The following PPFIA2 variants were observed in gnomAD, a reference collection of about 807,000 sequenced individuals.
PPFIA2 encodes the protein PPFI scaffold protein A2, also known as liprin-alpha-2.
Under a neutral mutation model 175.5 loss-of-function variants are expected in PPFIA2, and 46 were observed. The observed-to-expected ratio is 0.26, with a 90% confidence interval of 0.21 to 0.34. The LOEUF (loss-of-function observed/expected upper bound fraction) is 0.34, where lower values mean the gene tolerates loss of function less well. Among genes scored for constraint, PPFIA2 ranks in the 10% least tolerant of loss-of-function variants. The pLI is 1.00. For synonymous variants in PPFIA2, 568 were observed against 511.4 expected, an observed-to-expected ratio of 1.11 and a Z score of -1.49; for missense variants, 1,179 against 1,506.1, an observed-to-expected ratio of 0.78 and a Z score of 3.60.
intron 4 of PPFIA2, among the ~76,000 whole-genome samples, chr12:81,601,134 T>C (rs569196032): frequency 6.6e-6 from 1 of 151,902 alleles, no homozygotes; most frequent in South Asian, 2.1e-4. Flanking sequence ...GAGATGAAAA[T>C]AGTATAGATT....
Position 81,259,113 on chromosome 12 carries a change from G to A in PPFIA2, c.*581C>T. 5.3e-6 allele frequency: 1 copy of A among 186,938 alleles called. No individual in the cohort carries two copies. The highest frequency in any genetic ancestry group is 1.1e-5 in the Non-Finnish European group (1 of 90,406). 11.6% of individuals were successfully genotyped at this position (186,938 alleles called of 1,614,324 possible). A position where few individuals can be genotyped will look rare whatever the true frequency, so the allele number is the denominator to read the frequency against. Reference sequence around the variant, plus strand: ...TCAGAGGCAGGTTGTTCAGCTTTAAGTATTGACAGACTTGAAGGAGAAACA... The same window carrying A: ...TCAGAGGCAGGTTGTTCAGCTTTAAATATTGACAGACTTGAAGGAGAAACA... On this transcript the variant is annotated 3_prime_UTR_variant, in exon 33 of 33. Transcript: ENST00000549396.
chr12:81,512,852 A>G (rs764001383), intron 4 of PPFIA2, among the ~76,000 whole-genome samples: 2 of 152,030 alleles, frequency 1.3e-5, no homozygotes, highest in African/African-American at 4.8e-5. Context: ...GCTTCATCCA[A>G]ATTGTAGCAA....
intron 4 of PPFIA2, among the ~76,000 whole-genome samples, chr12:81,620,614 T>A (rs2061949680): frequency 6.6e-6 from 1 of 152,216 alleles, no homozygotes; most frequent in Non-Finnish European, 1.5e-5. Context: ...ATGTAATATC[T>A]TGTGCTGTCC....
At chr12:81,638,224 C>T (rs897228852) in intron 4 of PPFIA2, among the ~76,000 whole-genome samples, 1 of 152,062 alleles carries the variant, frequency 6.6e-6, no homozygotes, top group Non-Finnish European at 1.5e-5. Flanking sequence ...ATTCTTATCA[C>T]CACCCTGTAT....
intron 4 of PPFIA2, among the ~76,000 whole-genome samples, chr12:81,502,402 T>C (rs572925240): frequency 2.2e-4 from 33 of 152,322 alleles, no homozygotes; most frequent in African/African-American, 7.5e-4. Flanking sequence ...CTGGGAACTT[T>C]TGAAAATATT....
intron 4 of PPFIA2, among the ~76,000 whole-genome samples, chr12:81,641,419 C>T (rs2064951484): frequency 6.6e-6 from 1 of 152,094 alleles, no homozygotes; most frequent in South Asian, 2.1e-4. Context: ...CTGCCCATTG[C>T]CAAGGTACGC....
chr12:81,604,623 C>G (rs906076671), intron 4 of PPFIA2, among the ~76,000 whole-genome samples: 1 of 151,492 alleles, frequency 6.6e-6, no homozygotes, highest in African/African-American at 2.4e-5. Context: ...CAATATCACA[C>G]CTCAAATAAA....
At chr12:81,493,785 T>TAG in intron 4 of PPFIA2, among the ~76,000 whole-genome samples, 1 of 136,878 alleles carries the variant, frequency 7.3e-6, no homozygotes, top group African/African-American at 2.9e-5. Context: ...TATATATATA[T>TAG]ATACACATTG....
chr12:81,739,197 G>T (rs2082026494), intron 3 of PPFIA2, among the ~76,000 whole-genome samples: 3 of 151,954 alleles, frequency 2.0e-5, no homozygotes, highest in Admixed American at 2.0e-4. Flanking sequence ...AATGCAAAAT[G>T]AAGTTACATT....
At position 81,445,627 on chromosome 12, in the gene PPFIA2, C is replaced by T; in HGVS notation, c.499G>A (p.Val167Ile). Residue 167 changes from valine to isoleucine, a missense_variant, in exon 6 of 33, where the codon GTA (valine) becomes ATA (isoleucine). Val to Ile is a conservative substitution (Grantham distance 29, BLOSUM62 3). Around this residue, in one of 10 missense-constraint regions of PPFIA2, gnomAD observed 49 missense variants for 108.9 expected, o/e 0.45. Coordinates refer to ENST00000549396, the MANE Select transcript of PPFIA2 (RefSeq NM_003625.5). The stretch of plus-strand genomic sequence containing the variant: ...TTGAGAACTTCAACTTCACTGGATA[C>T]TCCTGAGGGAGACTGGGCTTGCCGT... Reference protein sequence around the residue: ...VKRQAQSPSGVSSEVEVLKAL... With the variant: ...VKRQAQSPSGISSEVEVLKAL... 1.9e-6 allele frequency: 3 copies of T among 1,613,900 alleles called. No individual in the cohort carries two copies. Among genetic ancestry groups the T allele is most frequent in the Non-Finnish European group, 2.5e-6 (3 of 1,179,842 alleles).
Position 81,642,813 on chromosome 12 carries a change from C to T in PPFIA2, c.303+33978G>A, listed in dbSNP as rs568547615. Among the ~76,000 whole-genome samples the T allele has an allele frequency of 4.6e-4, 28 of 60,288 alleles. 8 individuals carry two copies. The South Asian group carries it at 7.2e-3, about 16-fold the overall frequency. The allele number at this position is 60,288 out of a possible 152,430, so 39.6% of individuals were successfully genotyped here. ...TACATGTATATGTATGTATGTATTA[C>T]ATACATGTATATGTATGTATGTATT... is the stretch of plus-strand genomic sequence containing the variant. On this transcript the variant is annotated intron_variant, in intron 4 of 32. Coordinates refer to ENST00000549396, the MANE Select transcript of PPFIA2 (RefSeq NM_003625.5).
At chr12:81,413,987 A>C (rs1445494674) in intron 7 of PPFIA2, among the ~76,000 whole-genome samples, 7 of 151,740 alleles carry the variant, frequency 4.6e-5, no homozygotes, top group Admixed American at 1.3e-4. Context: ...CATGCCCCAT[A>C]TGAAATAAAA....
At chr12:81,452,652 TC>T (rs1322033912) in intron 5 of PPFIA2, among the ~76,000 whole-genome samples, 1 of 152,238 alleles carries the variant, frequency 6.6e-6, no homozygotes, top group Non-Finnish European at 1.5e-5. Flanking sequence ...GAGAAGGTCT[TC>T]CTTTTCTGAA....
At chr12:81,472,342 A>G (rs2056869331) in intron 4 of PPFIA2, among the ~76,000 whole-genome samples, 1 of 152,206 alleles carries the variant, frequency 6.6e-6, no homozygotes, top group Non-Finnish European at 1.5e-5. Flanking sequence ...TTAATGGCTG[A>G]ATAAAATGGT....
At chr12:81,349,170 T>A (rs147229790) in intron 17 of PPFIA2, among the ~76,000 whole-genome samples, 34 of 152,344 alleles carry the variant, frequency 2.2e-4, no homozygotes, top group African/African-American at 7.2e-4. Context: ...CTTCACTAAC[T>A]ATTCTGCAAA....
intron 4 of PPFIA2, among the ~76,000 whole-genome samples, chr12:81,510,571 A>G (rs1364109914): frequency 6.6e-6 from 1 of 152,130 alleles, no homozygotes; most frequent in African/African-American, 2.4e-5. Flanking sequence ...AGGTTCTATG[A>G]TTGTACCAAT....
intron 2 of PPFIA2, among the ~76,000 whole-genome samples, chr12:81,756,385 A>G (rs2464757): frequency 0.81 from 122,937 of 152,042 alleles, 51,355 homozygotes; most frequent in Middle Eastern, 0.95. Flanking sequence ...GAATACCCCA[A>G]TATAATTTTC....
At chr12:81,453,333 C>T (rs1165797693) in intron 5 of PPFIA2, among the ~76,000 whole-genome samples, 1 of 152,042 alleles carries the variant, frequency 6.6e-6, no homozygotes, top group African/African-American at 2.4e-5. Context: ...ACAACTCCGA[C>T]AATAAAAATG....
At chr12:81,577,167 G>A (rs571059975) in intron 4 of PPFIA2, among the ~76,000 whole-genome samples, 75 of 151,852 alleles carry the variant, frequency 4.9e-4, no homozygotes, top group African/African-American at 1.8e-3. Flanking sequence ...AGAATATCTT[G>A]TCTTTCATAA....
Sources: gnomAD v4.1 joint callset for allele counts (sites outside exome capture counted in the v4.1 genomes callset) on GRCh38, gnomAD v4.1.1 for gene constraint, gnomAD v4.1.1 regional missense constraint, MANE v1.5 for transcripts, NCBI Gene and HGNC (gene_info 2026-07-23, HGNC 2026-07-21) for gene names.